IQGAP2: variants seen among roughly 807,000 people sequenced by gnomAD.
IQGAP2 encodes the protein ras GTPase-activating-like protein IQGAP2.
In IQGAP2, 173 loss-of-function variants were observed where a neutral mutation model predicts 201.3. The observed-to-expected ratio is 0.86, with a 90% CI of 0.76 to 0.98. The LOEUF (loss-of-function observed/expected upper bound fraction) is 0.98. Among genes scored for constraint, IQGAP2 ranks in the 50% least tolerant of loss-of-function variants. The probability of loss-of-function intolerance (pLI) is 0.00; values close to 1 mark genes in which losing one functional copy is unlikely to be tolerated. For synonymous variants in IQGAP2, 675 were observed against 673.9 expected (o/e 1.00, Z -0.03); for missense variants, 1,687 against 1,864.8 (o/e 0.90, Z 1.76).
At chr5:76,421,048 CTGTT>C (rs1315129566) in intron 1 of IQGAP2, among the ~76,000 whole-genome samples, 1 of 152,198 alleles carries the variant, frequency 6.6e-6, no homozygotes, top group African/African-American at 2.4e-5. Context: ...GTACAAATAT[CTGTT>C]TGAGCCTTTG....
At chr5:76,450,710 T>C (rs1753687488) in intron 1 of IQGAP2, among the ~76,000 whole-genome samples, 2 of 152,142 alleles carry the variant, frequency 1.3e-5, no homozygotes, top group Non-Finnish European at 2.9e-5. Context: ...ATGAGTCTGG[T>C]CTCCTTACAA....
intron 32 of IQGAP2, among the ~76,000 whole-genome samples, chr5:76,696,913 A>G (rs747858595): frequency 6.6e-6 from 1 of 152,150 alleles, no homozygotes; most frequent in Non-Finnish European, 1.5e-5. Flanking sequence ...AATTTTACCT[A>G]AGGGCATGGG....
chr5:76,639,254 G>A (rs572201804), intron 16 of IQGAP2, among the ~76,000 whole-genome samples: 1 of 152,318 alleles, frequency 6.6e-6, no homozygotes, highest in South Asian at 2.1e-4. Context: ...TGCAATTTGT[G>A]TAGATTTTGT....
intron 1 of IQGAP2, among the ~76,000 whole-genome samples, chr5:76,442,420 CT>C (rs2150105728): frequency 6.6e-6 from 1 of 152,258 alleles, no homozygotes; most frequent in East Asian, 1.9e-4. Flanking sequence ...TATGAATTGA[CT>C]TAACCCACTG....
chr5:76,641,700 C>CCTATAGCG (rs1168313413), intron 17 of IQGAP2, among the ~76,000 whole-genome samples: 1 of 152,078 alleles, frequency 6.6e-6, no homozygotes, highest in African/African-American at 2.4e-5. Context: ...CTTCTGTATT[C>CCTATAGCG]CTATAGCGCC....
chr5:76,661,958 A>G (rs1338866988), intron 21 of IQGAP2, among the ~76,000 whole-genome samples: 1 of 152,244 alleles, frequency 6.6e-6, no homozygotes, highest in African/African-American at 2.4e-5. Flanking sequence ...ATCATGAACA[A>G]GCCAAATACG....
intron 22 of IQGAP2, among the ~76,000 whole-genome samples, chr5:76,667,052 C>T (rs1030172499): frequency 6.6e-6 from 1 of 152,142 alleles, no homozygotes; most frequent in Non-Finnish European, 1.5e-5. Flanking sequence ...CCTGACCTAG[C>T]AAAAATTCTT....
Position 76,627,444 on chromosome 5 carries a change from A to T in IQGAP2, c.1556A>T (p.Asp519Val). The T allele has an allele frequency of 3.7e-6, 6 of 1,604,090 alleles. 2 individuals carry two copies. The Middle Eastern group carries it at 9.9e-4, about 265-fold the overall frequency. Residue 519 changes from aspartate (D) to valine (V), a missense_variant, in exon 14 of 36, where the codon GAT becomes GTT. By Grantham distance (152) the Asp-to-Val change is radical. Transcript: ENST00000274364. ...SESVSKVLWL[D>V]EIQQAVDDAN... ...AGTGTTTCCAAAGTGCTTTGGCTGG[A>T]TGAGATACAGCAAGCCGTCGATGAT...
Position 76,403,649 on chromosome 5 carries a change from A to G in IQGAP2, c.46+58A>G. On this transcript the variant is annotated intron_variant, in intron 1 of 35. Coordinates refer to ENST00000274364, the MANE Select transcript of IQGAP2 (RefSeq NM_006633.5). The surrounding 1 kb of genome is among the most constrained non-coding windows in gnomAD (Gnocchi z 4.8). Reference sequence around the variant, plus strand: ...GCCTTGGGGAGCTCCCTCCCCGAGGACGGCGTTGGAGAAGCCGAGGGAGCC... The same window carrying G: ...GCCTTGGGGAGCTCCCTCCCCGAGGGCGGCGTTGGAGAAGCCGAGGGAGCC... 1 of 1,387,184 alleles carries G rather than the reference A, an allele frequency of 7.2e-7. No homozygotes were observed. The allele number at this position is 1,387,184 out of a possible 1,614,324, so 85.9% of individuals were successfully genotyped here.
intron 2 of IQGAP2, among the ~76,000 whole-genome samples, chr5:76,528,886 A>C (rs1292427294): frequency 6.6e-6 from 1 of 152,232 alleles, no homozygotes. Context: ...ACAGGAGTAA[A>C]GCCTGTTCAG....
intron 30 of IQGAP2, among the ~76,000 whole-genome samples, chr5:76,687,259 G>A (rs1745860865): frequency 6.6e-6 from 1 of 152,196 alleles, no homozygotes; most frequent in Non-Finnish European, 1.5e-5. Context: ...TTACTAAGCA[G>A]CCCAGTGATC....
At chr5:76,456,311 C>T (rs947411542) in intron 1 of IQGAP2, among the ~76,000 whole-genome samples, 2 of 152,158 alleles carry the variant, frequency 1.3e-5, no homozygotes, top group Non-Finnish European at 2.9e-5. Flanking sequence ...TATTGGTTTA[C>T]TAACAACTTC....
At chr5:76,637,756 A>C (rs2516272) in intron 16 of IQGAP2, among the ~76,000 whole-genome samples, 142,108 of 152,288 alleles carry the variant, frequency 0.93, 66,556 homozygotes, top group Middle Eastern at 0.97. Context: ...ATTTCTAGAG[A>C]TCTGGATGTA....
Position 76,617,158 on chromosome 5 carries a change from T to G in IQGAP2, c.1521+5975T>G, listed in dbSNP as rs188551970. ...CTGATAAAGTGTTTTTAAAAATTAC[T>G]AATGCTGGCTGGCTCAGTGGCTCAC... On this transcript the variant is annotated intron_variant, in intron 13 of 35. Coordinates refer to ENST00000274364, the MANE Select transcript of IQGAP2 (RefSeq NM_006633.5). The G allele has an allele frequency of 2.1e-3, 328 of 158,204 alleles. 1 individual carries two copies. The highest frequency in any genetic ancestry group is 7.5e-3 in the African/African-American group (314 of 41,636). 9.8% of individuals were successfully genotyped at this position (158,204 alleles called of 1,614,324 possible). A position where few individuals can be genotyped will look rare whatever the true frequency, so the allele number is the denominator to read the frequency against.
At position 76,698,114 on chromosome 5, in the gene IQGAP2, A is replaced by G. The variant is rs369078465; in HGVS notation, c.4334A>G (p.Tyr1445Cys). 5.8e-5 allele frequency: 93 copies of G among 1,606,602 alleles called. No homozygotes were observed. The highest frequency in any genetic ancestry group is 7.3e-5 in the Non-Finnish European group (86 of 1,173,898). Reference protein sequence around the residue: ...YEEQINYYDTYIKTCLDNLKR... With the variant: ...YEEQINYYDTCIKTCLDNLKR... Reference sequence around the variant, plus strand: ...GAGCAAATCAATTATTATGACACCTACATAAAGACTTGTTTAGACAACTTA... The same window carrying G: ...GAGCAAATCAATTATTATGACACCTGCATAAAGACTTGTTTAGACAACTTA... Residue 1445 changes from tyrosine to cysteine, a missense_variant, in exon 33 of 36, where the codon TAC becomes TGC. Transcript: ENST00000274364.
At chr5:76,635,429 G>A (rs1249979087) in intron 15 of IQGAP2, among the ~76,000 whole-genome samples, 6 of 152,072 alleles carry the variant, frequency 3.9e-5, no homozygotes, top group South Asian at 2.1e-4. Flanking sequence ...TTCAAGTGAC[G>A]GGAGAAACAT....
intron 1 of IQGAP2, among the ~76,000 whole-genome samples, chr5:76,410,425 AC>A (rs1237099157): frequency 6.6e-6 from 1 of 151,728 alleles, no homozygotes; most frequent in Admixed American, 6.6e-5. Flanking sequence ...AACACCCCAA[AC>A]TTTTCATTAG....
chr5:76,545,767 A>C (rs1743055742), intron 2 of IQGAP2, among the ~76,000 whole-genome samples: 1 of 152,170 alleles, frequency 6.6e-6, no homozygotes, highest in East Asian at 1.9e-4. Flanking sequence ...AGGTTTTTTC[A>C]CATGTTGACA....
intron 5 of IQGAP2, among the ~76,000 whole-genome samples, chr5:76,578,414 G>T (rs1745613474): frequency 6.6e-6 from 1 of 152,144 alleles, no homozygotes; most frequent in East Asian, 1.9e-4. Context: ...CCGGGTTCAG[G>T]TGATTCTCCT....
Sources: gnomAD v4.1 joint callset for allele counts (sites outside exome capture counted in the v4.1 genomes callset) on GRCh38, gnomAD v4.1.1 for gene constraint, Gnocchi (gnomAD v3.1) non-coding constraint, MANE v1.5 for transcripts, NCBI Gene and HGNC (gene_info 2026-07-23, HGNC 2026-07-21) for gene names.